The following TMCC1 variants were observed in gnomAD, a reference collection of about 807,000 sequenced individuals.
TMCC1 encodes transmembrane and coiled-coil domains protein 1.
TMCC1 carries 15 observed loss-of-function variants against 52.4 expected under a neutral mutation model. The ratio of observed to expected loss-of-function variants is 0.29; its 90% CI spans 0.19 to 0.44. The LOEUF is 0.44. Among genes scored for constraint, TMCC1 ranks in the 20% least tolerant of loss-of-function variants. The pLI is 1.00. For missense variants in TMCC1, 503 were observed against 806.0 expected (o/e 0.62, Z 4.55); for synonymous variants, 279 against 301.9 (o/e 0.92, Z 0.79).
chr3:129,760,109 T>C (rs2053404538), intron 4 of TMCC1, among the ~76,000 whole-genome samples: 1 of 152,094 alleles, frequency 6.6e-6, no homozygotes, highest in South Asian at 2.1e-4. Context: ...AGAGTTCCCT[T>C]ATAACCCCTC....
intron 4 of TMCC1, among the ~76,000 whole-genome samples, chr3:129,702,070 A>T (rs1163576838): frequency 6.6e-6 from 1 of 152,168 alleles, no homozygotes; most frequent in Non-Finnish European, 1.5e-5. Flanking sequence ...TGAGGTCCAT[A>T]AAGAATCAAT....
intron 4 of TMCC1, among the ~76,000 whole-genome samples, chr3:129,822,609 G>A (rs1388813171): frequency 6.6e-6 from 1 of 152,110 alleles, no homozygotes; most frequent in East Asian, 1.9e-4. Context: ...AAGAACTGGT[G>A]TTCTTCAATT....
At chr3:129,877,122 C>G (rs2061251881) in intron 2 of TMCC1, among the ~76,000 whole-genome samples, 1 of 152,126 alleles carries the variant, frequency 6.6e-6, no homozygotes, top group Non-Finnish European at 1.5e-5. Flanking sequence ...TATCTGAATA[C>G]CCAGTCTCAT....
intron 2 of TMCC1, among the ~76,000 whole-genome samples, chr3:129,852,352 G>C (rs949898297): frequency 1.3e-5 from 2 of 150,680 alleles, no homozygotes; most frequent in African/African-American, 4.9e-5. Context: ...AGCTACTCAG[G>C]AGTCCAAGGT....
rs1253629309 is a variant in TMCC1, at chr3:129,650,266, G to C, written c.*1215C>G. ...CCCAGCCCAAGATCACTGGGTGAAC[G>C]TTTTCTTGGGGCAAAAAAAAAAAAA... On this transcript the variant is annotated 3_prime_UTR_variant, in exon 7 of 7. Coordinates refer to ENST00000393238, the MANE Select transcript of TMCC1 (RefSeq NM_001017395.5). 1 of 103,148 alleles carries C rather than the reference G, an allele frequency of 9.7e-6. No individual in the cohort carries two copies. Among genetic ancestry groups the C allele is most frequent in the Non-Finnish European group, 2.1e-5 (1 of 48,018 alleles). The allele number at this position is 103,148 out of a possible 1,614,324, so 6.4% of individuals were successfully genotyped here.
At chr3:129,712,804 A>G (rs2048803109) in intron 4 of TMCC1, among the ~76,000 whole-genome samples, 2 of 152,124 alleles carry the variant, frequency 1.3e-5, no homozygotes, top group Admixed American at 1.3e-4. Flanking sequence ...TCATCTGAGT[A>G]TTGTGAAATC....
intron 4 of TMCC1, among the ~76,000 whole-genome samples, chr3:129,819,337 C>T (rs1159717168): frequency 6.6e-6 from 1 of 152,100 alleles, no homozygotes; most frequent in Non-Finnish European, 1.5e-5. Context: ...CCCGCCTCGG[C>T]CTCCCAAAGT....
At chr3:129,886,682 G>A (rs536948545) in intron 1 of TMCC1, among the ~76,000 whole-genome samples, 46 of 152,202 alleles carry the variant, frequency 3.0e-4, no homozygotes, top group African/African-American at 1.1e-3. Context: ...GCTCACACCT[G>A]TAATCCCAGC....
At chr3:129,807,324 T>C (rs1415272180) in intron 4 of TMCC1, among the ~76,000 whole-genome samples, 2 of 152,204 alleles carry the variant, frequency 1.3e-5, no homozygotes, top group African/African-American at 4.8e-5. Flanking sequence ...TATATGTTTA[T>C]TTTATATGAA....
chr3:129,830,962 T>A (rs2058880233), intron 3 of TMCC1, among the ~76,000 whole-genome samples: 1 of 152,132 alleles, frequency 6.6e-6, no homozygotes, highest in African/African-American at 2.4e-5. Context: ...TGAGACGGAG[T>A]CTTGCTCTTT....
chr3:129,840,464 C>G (rs372691918), intron 2 of TMCC1, among the ~76,000 whole-genome samples: 158 of 152,116 alleles, frequency 1.0e-3, no homozygotes, highest in African/African-American at 3.4e-3. Context: ...AAGAAAGCTA[C>G]TGTAGCCAAA....
intron 5 of TMCC1, among the ~76,000 whole-genome samples, chr3:129,667,628 C>T (rs1271995095): frequency 5.3e-5 from 8 of 152,134 alleles, no homozygotes; most frequent in Admixed American, 5.2e-4. Flanking sequence ...CTAGAAAGAA[C>T]CCAAAGTGCA....
intron 4 of TMCC1, among the ~76,000 whole-genome samples, chr3:129,747,777 G>A (rs977419268): frequency 6.6e-6 from 1 of 151,940 alleles, no homozygotes; most frequent in African/African-American, 2.4e-5. Context: ...TTATCATCAC[G>A]CTGTACAGCT....
At chr3:129,846,583 A>C (rs2059675560) in intron 2 of TMCC1, among the ~76,000 whole-genome samples, 1 of 152,202 alleles carries the variant, frequency 6.6e-6, no homozygotes, top group Non-Finnish European at 1.5e-5. Context: ...GTGATTTAGC[A>C]ACATCTTTTA....
intron 5 of TMCC1, among the ~76,000 whole-genome samples, chr3:129,657,759 G>C (rs1042614000): frequency 7.9e-5 from 12 of 152,190 alleles, no homozygotes; most frequent in African/African-American, 2.7e-4. Flanking sequence ...AAAAAGATAA[G>C]AGTTGGTGAG....
chr3:129,842,255 TAGG>T (rs1481258617), intron 2 of TMCC1, among the ~76,000 whole-genome samples: 12 of 151,958 alleles, frequency 7.9e-5, no homozygotes, highest in African/African-American at 2.9e-4. Flanking sequence ...CACTTGAGGC[TAGG>T]AGTTCAAGAC....
intron 1 of TMCC1, among the ~76,000 whole-genome samples, chr3:129,884,769 TA>T (rs113116865): frequency 9.2e-5 from 14 of 151,376 alleles, no homozygotes; most frequent in African/African-American, 3.1e-4. Flanking sequence ...TTCTTTGAGA[TA>T]AAAAAAAATG....
chr3:129,824,582 T>A (rs2058576300), intron 4 of TMCC1, among the ~76,000 whole-genome samples: 1 of 152,182 alleles, frequency 6.6e-6, no homozygotes. Flanking sequence ...GACATAGCCA[T>A]AAACATTCTG....
intron 4 of TMCC1, among the ~76,000 whole-genome samples, chr3:129,677,114 A>C (rs538873792): frequency 6.6e-6 from 1 of 151,658 alleles, no homozygotes; most frequent in Non-Finnish European, 1.5e-5. Context: ...AAAAAAAAAA[A>C]TTTGGCCGGG....
Sources: allele counts gnomAD v4.1 joint callset (sites outside exome capture counted in the v4.1 genomes callset), GRCh38; gene constraint gnomAD v4.1.1; transcripts MANE v1.5; gene names NCBI Gene and HGNC (gene_info 2026-07-23, HGNC 2026-07-21).